The following CAMTA1 variants were observed in gnomAD, a reference collection of about 807,000 sequenced individuals.
The protein encoded by CAMTA1 is calmodulin binding transcription activator 1, also known as calmodulin-binding transcription activator 1.
CAMTA1 carries 27 observed loss-of-function variants against 170.9 expected under a neutral mutation model. The observed-to-expected ratio is 0.16, with a 90% CI of 0.12 to 0.22. CAMTA1 has a LOEUF of 0.22. Ranked by LOEUF, CAMTA1 falls within the 10% of genes least tolerant of loss-of-function variation. The pLI is 1.00. For synonymous variants in CAMTA1, 833 were observed against 891.5 expected, an observed-to-expected ratio of 0.93 and a Z score of 1.17; for missense variants, 1,619 against 2,217.2, an observed-to-expected ratio of 0.73 and a Z score of 5.42.
intron 5 of CAMTA1, among the ~76,000 whole-genome samples, chr1:7,416,525 G>T (rs1237296917): frequency 1.3e-5 from 2 of 151,952 alleles, no homozygotes; most frequent in Non-Finnish European, 2.9e-5. Context: ...TTCCATCACT[G>T]ATACCCTTTC....
Position 7,294,632 on chromosome 1 carries a change from G to A in CAMTA1, c.438+45006G>A, listed in dbSNP as rs566385516. On this transcript the variant is annotated intron_variant, in intron 5 of 22. Coordinates refer to ENST00000303635, the MANE Select transcript of CAMTA1 (RefSeq NM_015215.4). ...AGCTTCCAGAGGGAATGCTGTCAGT[G>A]ACACAGCATTCTGGTCCCTGGAGTA... Among the ~76,000 whole-genome samples the A allele has an allele frequency of 8.5e-5, 13 of 152,356 alleles. No individual in the cohort carries two copies. In the South Asian group the frequency reaches 1.2e-3, roughly 15 times the overall value.
chr1:7,655,996 A>T (rs927781128), intron 7 of CAMTA1, among the ~76,000 whole-genome samples: 1 of 152,178 alleles, frequency 6.6e-6, no homozygotes, highest in Non-Finnish European at 1.5e-5. Flanking sequence ...AAACTGCTTT[A>T]CTTAGGGTTT....
rs543293644 is a variant in CAMTA1, at chr1:7,269,499, A to G, written c.438+19873A>G. ...TTGGAAGCCAGTTATCAATATGCCC[A>G]GAATCAACAGGTTGAGATTACACAA... is the stretch of plus-strand genomic sequence containing the variant. On this transcript the variant is annotated intron_variant, in intron 5 of 22. Transcript: ENST00000303635. 1.2e-3 allele frequency among the ~76,000 whole-genome samples: 182 copies of G among 152,368 alleles called. 10 individuals are homozygous for G. In the South Asian group the frequency reaches 0.036, roughly 31 times the overall value.
chr1:7,362,343 T>G (rs2085602781), intron 5 of CAMTA1, among the ~76,000 whole-genome samples: 1 of 152,184 alleles, frequency 6.6e-6, no homozygotes, highest in Admixed American at 6.5e-5. Flanking sequence ...ATAGGATTAT[T>G]GGACTTGGGT....
chr1:7,628,869 A>G (rs931253503), intron 6 of CAMTA1, among the ~76,000 whole-genome samples: 2 of 152,222 alleles, frequency 1.3e-5, no homozygotes, highest in Admixed American at 6.5e-5. Flanking sequence ...CCATGTGCCT[A>G]TGGATTTAGC....
At chr1:7,123,352 G>A (rs1348326975) in intron 4 of CAMTA1, among the ~76,000 whole-genome samples, 1 of 152,006 alleles carries the variant, frequency 6.6e-6, no homozygotes, top group Non-Finnish European at 1.5e-5. Context: ...TCTCCATAAG[G>A]ATGCCAGTCA....
chr1:7,125,398 G>A (rs1439594544), intron 4 of CAMTA1, among the ~76,000 whole-genome samples: 1 of 152,178 alleles, frequency 6.6e-6, no homozygotes, highest in Non-Finnish European at 1.5e-5. Flanking sequence ...GAAGTAGATA[G>A]GACCAGTTCC....
chr1:7,449,718 C>T lies in CAMTA1; in HGVS notation c.439-18112C>T, dbSNP rs191511914. Among the ~76,000 whole-genome samples, 246 of 132,356 alleles carry T rather than the reference C, an allele frequency of 1.9e-3. 2 individuals carry two copies. Among genetic ancestry groups the T allele is most frequent in the African/African-American group, 6.3e-3 (224 of 35,642 alleles). 86.8% of individuals were successfully genotyped at this position (132,356 alleles called of 152,430 possible). On this transcript the variant is annotated intron_variant, in intron 5 of 22. Transcript: ENST00000303635. ...CTGGGAGGTGGAGGTTGCAGTGAGC[C>T]GAAATAGTGCCACTACACTCCAGTC...
At chr1:6,886,455 C>T (rs540944242) in intron 3 of CAMTA1, 56 of 365,490 alleles carry the variant, frequency 1.5e-4, no homozygotes, top group Non-Finnish European at 2.7e-4. Context: ...AAATGTCACT[C>T]GTGCTTTCCT....
chr1:6,873,480 T>G (rs1191932318), intron 3 of CAMTA1, among the ~76,000 whole-genome samples: 1 of 152,164 alleles, frequency 6.6e-6, no homozygotes, highest in African/African-American at 2.4e-5. Context: ...CCAAACCGGC[T>G]GACCCCTGAG....
chr1:7,255,936 A>G (rs116038132), intron 5 of CAMTA1, among the ~76,000 whole-genome samples: 1,550 of 152,310 alleles, frequency 0.01, 17 homozygotes, highest in African/African-American at 0.036. Context: ...TCTGGCTTCA[A>G]GCCCTGCTGG....
intron 4 of CAMTA1, among the ~76,000 whole-genome samples, chr1:7,147,300 T>G (rs548460591): frequency 6.6e-6 from 1 of 151,896 alleles, no homozygotes; most frequent in African/African-American, 2.4e-5. Flanking sequence ...GGTGAGCACC[T>G]ATAGTCCCAG....
chr1:6,999,064 A>G (rs1244157072), intron 3 of CAMTA1, among the ~76,000 whole-genome samples: 1 of 152,210 alleles, frequency 6.6e-6, no homozygotes, highest in African/African-American at 2.4e-5. Flanking sequence ...CCCACAAAAC[A>G]AAGCAATTAT....
At chr1:7,051,453 T>C (rs1361285873) in intron 3 of CAMTA1, among the ~76,000 whole-genome samples, 1 of 152,162 alleles carries the variant, frequency 6.6e-6, no homozygotes, top group Non-Finnish European at 1.5e-5. Context: ...GGTGGGCAGG[T>C]GGGGCTGCAC....
intron 3 of CAMTA1, among the ~76,000 whole-genome samples, chr1:6,974,633 C>A (rs1219817979): frequency 6.6e-6 from 1 of 152,164 alleles, no homozygotes; most frequent in Non-Finnish European, 1.5e-5. Flanking sequence ...CGGAGGGAGT[C>A]TTTGAGGAAG....
chr1:7,432,194 CA>C (rs1219102889), intron 5 of CAMTA1, among the ~76,000 whole-genome samples: 1 of 152,192 alleles, frequency 6.6e-6, no homozygotes, highest in Non-Finnish European at 1.5e-5. Context: ...TGCTAGGTGC[CA>C]GGAGCATCCG....
rs1204558416 is a variant in CAMTA1 at position 7,547,660 on chromosome 1, A to T, written c.510+79759A>T. On this transcript the variant is annotated intron_variant, in intron 6 of 22. Coordinates refer to ENST00000303635, the MANE Select transcript of CAMTA1 (RefSeq NM_015215.4). The surrounding 1 kb of genome is among the most constrained non-coding windows in gnomAD (Gnocchi z 5.7). Reference sequence around the variant, plus strand: ...ACAGCTTTGAATGTGGCCCAACACAAATTCATAAACTTTCCTAAAACATTA... The same window carrying T: ...ACAGCTTTGAATGTGGCCCAACACATATTCATAAACTTTCCTAAAACATTA... Among the ~76,000 whole-genome samples the T allele has an allele frequency of 6.6e-6, 1 of 151,910 alleles. No individual in the cohort carries two copies. Among genetic ancestry groups the T allele is most frequent in the Non-Finnish European group, 1.5e-5 (1 of 68,012 alleles).
At chr1:6,952,389 CCA>C (rs550397186) in intron 3 of CAMTA1, among the ~76,000 whole-genome samples, 14 of 130,354 alleles carry the variant, frequency 1.1e-4, no homozygotes, top group Middle Eastern at 0.012. Flanking sequence ...CAAGATTGCA[CCA>C]CTGCACTCCA....
intron 8 of CAMTA1, 90 bp downstream of exon 8, chr1:7,661,956 C>T (rs974766847): frequency 1.7e-5 from 24 of 1,427,928 alleles, no homozygotes; most frequent in Admixed American, 2.1e-5. Flanking sequence ...TGGGAGTAGC[C>T]ATGACATCTA....
Sources: gnomAD v4.1 joint callset for allele counts (sites outside exome capture counted in the v4.1 genomes callset) on GRCh38, gnomAD v4.1.1 for gene constraint, Gnocchi (gnomAD v3.1) non-coding constraint, MANE v1.5 for transcripts, NCBI Gene and HGNC (gene_info 2026-07-23, HGNC 2026-07-21) for gene names.